CDC42SE2: variants seen among roughly 807,000 people sequenced by gnomAD.
The protein encoded by CDC42SE2 is CDC42 small effector 2.
In CDC42SE2, 3 loss-of-function variants were observed where a neutral mutation model predicts 11.5. That is an observed-to-expected ratio of 0.26 (90% CI 0.12 to 0.67). The LOEUF (loss-of-function observed/expected upper bound fraction) is 0.67, where lower values mean the gene tolerates loss of function less well. CDC42SE2 is among the 30% of genes least tolerant of loss of function. The probability of loss-of-function intolerance (pLI) is 0.80; values close to 1 mark genes in which losing one functional copy is unlikely to be tolerated. For missense variants in CDC42SE2, 82 were observed against 106.8 expected, an observed-to-expected ratio of 0.77 and a Z score of 1.02; for synonymous variants, 33 against 34.8, an observed-to-expected ratio of 0.95 and a Z score of 0.18.
At chr5:131,338,678 A>G (rs1402380922) in intron 2 of CDC42SE2, among the ~76,000 whole-genome samples, 1 of 152,212 alleles carries the variant, frequency 6.6e-6, no homozygotes, top group Non-Finnish European at 1.5e-5. Flanking sequence ...TAGAACATAC[A>G]AAGATTAAGT....
chr5:131,289,533 C>T lies in CDC42SE2; in HGVS notation c.-455+25367C>T, dbSNP rs113017841. ...TAAAAAATACAAAAAATTAGCTGGG[C>T]GTGGTGGCACGCGCCTGTAGTCCCA... is the stretch of plus-strand genomic sequence containing the variant. On this transcript the variant is annotated intron_variant, in intron 1 of 4. Transcript: ENST00000505065. Among the ~76,000 whole-genome samples, 1,362 of 151,612 alleles carry T rather than the reference C, an allele frequency of 9.0e-3. 12 individuals are homozygous for T. Among genetic ancestry groups the T allele is most frequent in the Non-Finnish European group, 0.015 (984 of 67,844 alleles).
chr5:131,290,154 T>G (rs1757426418), intron 1 of CDC42SE2, among the ~76,000 whole-genome samples: 1 of 152,090 alleles, frequency 6.6e-6, no homozygotes, highest in South Asian at 2.1e-4. Context: ...GCCTTGACTT[T>G]CTTTTATAAC....
the CDC42SE2 span, among the ~76,000 whole-genome samples, chr5:131,231,585 T>C: frequency 6.6e-6 from 1 of 152,160 alleles, no homozygotes; most frequent in Admixed American, 6.5e-5. Context: ...GCCGGCTGGT[T>C]AATCTAAAGA....
rs374142486 is a variant in CDC42SE2, at chr5:131,336,962, T to C, written c.-286+20818T>C. Among the ~76,000 whole-genome samples the C allele has an allele frequency of 2.7e-4, 41 of 152,350 alleles. No homozygotes were observed. The South Asian group carries it at 7.0e-3, about 26-fold the overall frequency. On this transcript the variant is annotated intron_variant, in intron 2 of 4. Transcript: ENST00000505065. ...AGTTTGATCTTCTGAAGCCTTCCTC[T>C]GTCAGCTCGTCAGTCATTCTCTGTC...
the CDC42SE2 span, among the ~76,000 whole-genome samples, chr5:131,238,985 G>A: frequency 2.0e-5 from 3 of 151,712 alleles, no homozygotes; most frequent in African/African-American, 4.8e-5. Context: ...GTGAAACCCC[G>A]TCTCTACTTA....
At chr5:131,212,155 T>C in the CDC42SE2 span, among the ~76,000 whole-genome samples, 23 of 152,294 alleles carry the variant, frequency 1.5e-4, no homozygotes, top group Middle Eastern at 3.4e-3. Context: ...TCACCCAGGC[T>C]GGAGTGCAGT....
the CDC42SE2 span, among the ~76,000 whole-genome samples, chr5:131,222,883 C>T: frequency 9.2e-5 from 14 of 152,336 alleles, no homozygotes; most frequent in Middle Eastern, 3.4e-3. Flanking sequence ...TTACTCCAGC[C>T]TTTGCTTCTG....
intron 1 of CDC42SE2, among the ~76,000 whole-genome samples, chr5:131,291,407 A>C (rs540812561): frequency 6.6e-6 from 1 of 152,296 alleles, no homozygotes; most frequent in East Asian, 1.9e-4. Flanking sequence ...GAAGCTCACC[A>C]GTTTATTTTA....
chr5:131,356,140 A>G (rs980401151), intron 2 of CDC42SE2, among the ~76,000 whole-genome samples: 1 of 152,206 alleles, frequency 6.6e-6, no homozygotes, highest in Non-Finnish European at 1.5e-5. Context: ...CTTGTGCTGT[A>G]GACCAGTCTG....
At position 131,265,447 on chromosome 5, in the gene CDC42SE2, T is replaced by C. The variant is rs1561564960; in HGVS notation, c.-455+1281T>C. Among the ~76,000 whole-genome samples the C allele has an allele frequency of 2.6e-5, 4 of 152,256 alleles. No individual in the cohort carries two copies. The South Asian group carries it at 8.3e-4, about 32-fold the overall frequency. On this transcript the variant is annotated intron_variant, in intron 1 of 4. Transcript: ENST00000505065. ...TTTTTGAGCAAGGGAGAACTCTAAA[T>C]TTAGGGGGGGAAAAGCTAATGTTGC...
At chr5:131,332,124 C>A (rs868289728) in intron 2 of CDC42SE2, among the ~76,000 whole-genome samples, 6 of 152,250 alleles carry the variant, frequency 3.9e-5, no homozygotes, top group African/African-American at 9.6e-5. Context: ...CCACTCCCCC[C>A]ACTCCACAAC....
intron 1 of CDC42SE2, among the ~76,000 whole-genome samples, chr5:131,307,535 A>G (rs1021497187): frequency 1.3e-5 from 2 of 152,078 alleles, no homozygotes; most frequent in Admixed American, 6.6e-5. Context: ...ATACGTGTGC[A>G]TGTGTCTTTA....
chr5:131,213,333 T>G, the CDC42SE2 span, among the ~76,000 whole-genome samples: 2 of 152,252 alleles, frequency 1.3e-5, no homozygotes, highest in East Asian at 3.8e-4. Context: ...TGGAGGAAAT[T>G]AAAATTAAAT....
chr5:131,306,965 A>G (rs1266568621), intron 1 of CDC42SE2, among the ~76,000 whole-genome samples: 4 of 152,136 alleles, frequency 2.6e-5, no homozygotes, highest in African/African-American at 2.4e-5. Context: ...TACTTCGTTT[A>G]TCAGTTCTAA....
intron 1 of CDC42SE2, among the ~76,000 whole-genome samples, chr5:131,290,388 A>G (rs1757431601): frequency 6.6e-6 from 1 of 151,224 alleles, no homozygotes; most frequent in African/African-American, 2.4e-5. Context: ...TCGTGTATTT[A>G]TCTTTTGAAG....
At chr5:131,320,102 A>C (rs957355478) in intron 2 of CDC42SE2, among the ~76,000 whole-genome samples, 15 of 147,416 alleles carry the variant, frequency 1.0e-4, no homozygotes, top group Admixed American at 4.7e-4. Flanking sequence ...AAAAGGAACT[A>C]GGCTGGGCGT....
the CDC42SE2 span, among the ~76,000 whole-genome samples, chr5:131,233,989 T>C: frequency 6.6e-6 from 1 of 152,134 alleles, no homozygotes; most frequent in African/African-American, 2.4e-5. Flanking sequence ...ATCCCTACCT[T>C]TTCCTCTTTC....
At chr5:131,238,500 TAA>T in the CDC42SE2 span, among the ~76,000 whole-genome samples, 14 of 103,492 alleles carry the variant, frequency 1.4e-4, no homozygotes, top group African/African-American at 1.7e-4. Flanking sequence ...CAGACTCGTC[TAA>T]AAAAAAAAAA....
intron 1 of CDC42SE2, among the ~76,000 whole-genome samples, chr5:131,287,600 C>T (rs543436762): frequency 2.3e-4 from 34 of 150,750 alleles, no homozygotes; most frequent in African/African-American, 8.0e-4. Context: ...GTCGGTGGGA[C>T]TATAGGTGTG....
Sources: gnomAD v4.1 joint callset for allele counts (sites outside exome capture counted in the v4.1 genomes callset) on GRCh38, gnomAD v4.1.1 for gene constraint, MANE v1.5 for transcripts, NCBI Gene and HGNC (gene_info 2026-07-23, HGNC 2026-07-21) for gene names.